The following EVI5 variants were observed in gnomAD, a reference collection of about 807,000 sequenced individuals.
EVI5 encodes the protein ecotropic viral integration site 5.
EVI5 carries 73 observed loss-of-function variants against 112.0 expected under a neutral mutation model. The observed-to-expected ratio is 0.65, with a 90% CI of 0.54 to 0.79. The LOEUF is 0.79. EVI5 is among the 30% of genes least tolerant of loss of function. EVI5 has a pLI of 0.00. For missense variants in EVI5, 900 were observed against 968.8 expected (o/e 0.93, Z 0.94); for synonymous variants, 305 against 319.9 (o/e 0.95, Z 0.50).
At chr1:92,778,945 C>CA (rs1445843115) in intron 1 of EVI5, among the ~76,000 whole-genome samples, 1 of 152,126 alleles carries the variant, frequency 6.6e-6, no homozygotes, top group Non-Finnish European at 1.5e-5. Flanking sequence ...GACCTAGTCT[C>CA]AGAGATTCTG....
chr1:92,680,781 T>C (rs987313998), intron 9 of EVI5, among the ~76,000 whole-genome samples: 1 of 152,130 alleles, frequency 6.6e-6, no homozygotes, highest in Non-Finnish European at 1.5e-5. Context: ...ATCAGGGGTA[T>C]ACCTGCCAAA....
chr1:92,665,821 A>G (rs1420705020), intron 11 of EVI5, 118 bp downstream of exon 11: 13 of 617,546 alleles, frequency 2.1e-5, no homozygotes, highest in Non-Finnish European at 3.1e-5. Flanking sequence ...TAAGCAAGCT[A>G]AGCAGTCAAT....
upstream of EVI5, among the ~76,000 whole-genome samples, chr1:92,788,820 C>A (rs115722447): frequency 7.5e-3 from 1,139 of 152,058 alleles, 18 homozygotes; most frequent in African/African-American, 0.025. Context: ...ACAAAAAAAA[C>A]CCCATAAAAA....
chr1:92,695,268 C>A, intron 7 of EVI5, 42 bp downstream of exon 7: 1 of 1,552,608 alleles, frequency 6.4e-7, no homozygotes, highest in South Asian at 1.2e-5. Flanking sequence ...ACTCAGTGAC[C>A]CCTTTGCTCA....
intron 19 of EVI5, among the ~76,000 whole-genome samples, chr1:92,552,019 T>A (rs1301073793): frequency 6.6e-6 from 1 of 151,772 alleles, no homozygotes; most frequent in South Asian, 2.1e-4. Context: ...TTTGGCTACA[T>A]TTGAAATCTA....
At chr1:92,696,683 T>C (rs1487874874) in intron 6 of EVI5, among the ~76,000 whole-genome samples, 1 of 151,976 alleles carries the variant, frequency 6.6e-6, no homozygotes, top group Non-Finnish European at 1.5e-5. Context: ...TCTGGCTTTT[T>C]CTTTAAAATA....
At chr1:92,737,151 C>A (rs1026819088) in intron 1 of EVI5, among the ~76,000 whole-genome samples, 2 of 151,982 alleles carry the variant, frequency 1.3e-5, no homozygotes, top group African/African-American at 4.8e-5. Context: ...TGTAGTGAGG[C>A]CCTTGATTGA....
intron 19 of EVI5, among the ~76,000 whole-genome samples, chr1:92,518,334 A>G (rs1038945624): frequency 5.9e-5 from 9 of 152,216 alleles, no homozygotes; most frequent in Admixed American, 5.2e-4. Context: ...TTCCAGGTAA[A>G]ATGAGACACG....
chr1:92,542,055 A>G (rs936241038), intron 19 of EVI5, among the ~76,000 whole-genome samples: 1 of 152,062 alleles, frequency 6.6e-6, no homozygotes, highest in Admixed American at 6.6e-5. Flanking sequence ...GCACTTCCTC[A>G]CTCGGCCTTG....
intron 18 of EVI5, among the ~76,000 whole-genome samples, chr1:92,589,509 C>T (rs1284367380): frequency 1.3e-5 from 2 of 152,282 alleles, no homozygotes; most frequent in South Asian, 2.1e-4. Context: ...CACAGAGTCT[C>T]GCTCATTGCT....
Position 92,607,710 on chromosome 1 carries a change from G to T in EVI5, c.1845C>A (p.Asn615Lys), listed in dbSNP as rs1264838747. The change falls in exon 17 of 20, where the codon AAC (asparagine) becomes AAA (lysine). Residue 615 changes from asparagine (N) to lysine (K), a missense_variant. By Grantham distance (94) the Asn-to-Lys change is moderately conservative (BLOSUM62 0). Coordinates refer to ENST00000684568, the MANE Select transcript of EVI5 (RefSeq NM_001350197.2). ...EMETQNQINS[N>K]HLRRAEQEVI... ...CCTCTTGTTCTGCTCTTCGAAGATG[G>T]TTACTATTGATCTGGTTCTAATAAT... 1.9e-6 allele frequency: 3 copies of T among 1,600,718 alleles called. No individual in the cohort carries two copies. Among genetic ancestry groups the T allele is most frequent in the African/African-American group, 1.3e-5 (1 of 74,386 alleles).
chr1:92,549,411 G>A (rs937913084), intron 19 of EVI5, among the ~76,000 whole-genome samples: 4 of 151,704 alleles, frequency 2.6e-5, no homozygotes, highest in African/African-American at 9.7e-5. Context: ...GAAAACCTAG[G>A]CAATACCATT....
intron 16 of EVI5, among the ~76,000 whole-genome samples, chr1:92,617,782 C>A (rs183863997): frequency 6.6e-6 from 1 of 152,320 alleles, no homozygotes; most frequent in Admixed American, 6.5e-5. Flanking sequence ...ATGGAAAGGG[C>A]AGAGGTTTGT....
Position 92,783,873 on chromosome 1 carries a change from TCTA to T in EVI5, c.-82+960_-82+962del, listed in dbSNP as rs551200589. ...AGAGCTTCTGGTACACTGGTGAAAT[TCTA>T]CTAACAAAATTTTAAAACAAAAAAA... On this transcript the variant is annotated intron_variant, in intron 1 of 19. Transcript: ENST00000684568. 1.1e-4 allele frequency among the ~76,000 whole-genome samples: 16 copies of T among 150,894 alleles called. No individual in the cohort carries two copies. The South Asian group carries it at 2.9e-3, about 28-fold the overall frequency.
intron 18 of EVI5, among the ~76,000 whole-genome samples, chr1:92,586,616 G>GC: frequency 7.4e-6 from 1 of 135,314 alleles, no homozygotes; most frequent in Admixed American, 7.9e-5. Context: ...CTGTGTGTGT[G>GC]TGTGTGTGTG....
chr1:92,640,780 A>G (rs1010179022), intron 13 of EVI5, among the ~76,000 whole-genome samples: 6 of 152,182 alleles, frequency 3.9e-5, no homozygotes, highest in African/African-American at 1.2e-4. Context: ...ACATACATAC[A>G]TATGTTTACC....
chr1:92,592,391 T>C (rs1674111326), intron 18 of EVI5, among the ~76,000 whole-genome samples: 2 of 152,290 alleles, frequency 1.3e-5, no homozygotes, highest in South Asian at 2.1e-4. Context: ...AGATACAACA[T>C]ACCAGAATCT....
intron 19 of EVI5, among the ~76,000 whole-genome samples, chr1:92,525,017 A>C (rs766260216): frequency 1.3e-5 from 2 of 151,904 alleles, no homozygotes; most frequent in Non-Finnish European, 2.9e-5. Context: ...TGGTAGAGAC[A>C]GGGTTTCACC....
At chr1:92,522,803 G>C (rs1478769121) in intron 19 of EVI5, among the ~76,000 whole-genome samples, 3 of 152,012 alleles carry the variant, frequency 2.0e-5, no homozygotes, top group Non-Finnish European at 4.4e-5. Context: ...TGTCACCTAG[G>C]CTAGAGTGCA....
Sources: allele counts gnomAD v4.1 joint callset (sites outside exome capture counted in the v4.1 genomes callset), GRCh38; gene constraint gnomAD v4.1.1; transcripts MANE v1.5; gene names NCBI Gene and HGNC (gene_info 2026-07-23, HGNC 2026-07-21).